KCNIP4: variants seen among roughly 807,000 people sequenced by gnomAD.
The protein encoded by KCNIP4 is potassium voltage-gated channel interacting protein 4.
In KCNIP4, 12 loss-of-function variants were observed where a neutral mutation model predicts 34.0. The ratio of observed to expected loss-of-function variants is 0.35; its 90% CI spans 0.23 to 0.57. KCNIP4 has a LOEUF of 0.57. Ranked by LOEUF, KCNIP4 falls within the 20% of genes least tolerant of loss-of-function variation. The probability of loss-of-function intolerance (pLI) is 0.83; values close to 1 mark genes in which losing one functional copy is unlikely to be tolerated. For missense variants in KCNIP4, 238 were observed against 311.7 expected, an observed-to-expected ratio of 0.76 and a Z score of 1.78; for synonymous variants, 124 against 102.2, an observed-to-expected ratio of 1.21 and a Z score of -1.29.
At chr4:21,440,697 G>T (rs1350706887) in intron 1 of KCNIP4, among the ~76,000 whole-genome samples, 1 of 152,118 alleles carries the variant, frequency 6.6e-6, no homozygotes, top group African/African-American at 2.4e-5. Context: ...TAATTAACTT[G>T]ATGGGATCAT....
intron 1 of KCNIP4, among the ~76,000 whole-genome samples, chr4:21,123,428 T>C (rs957478530): frequency 8.5e-5 from 13 of 152,186 alleles, no homozygotes; most frequent in African/African-American, 3.1e-4. Flanking sequence ...TTTAAAGACA[T>C]GGTGGAGCAT....
chr4:21,734,788 G>C (rs1715870670), intron 1 of KCNIP4, among the ~76,000 whole-genome samples: 1 of 152,022 alleles, frequency 6.6e-6, no homozygotes, highest in African/African-American at 2.4e-5. Flanking sequence ...TTTAACTCGA[G>C]ATATTTTCTA....
At chr4:21,657,229 T>C (rs1046332568) in intron 1 of KCNIP4, among the ~76,000 whole-genome samples, 3 of 152,230 alleles carry the variant, frequency 2.0e-5, no homozygotes, top group African/African-American at 7.2e-5. Flanking sequence ...AGTCTTTTTT[T>C]ACTTGCTTTT....
chr4:21,733,711 G>A (rs1186056127), intron 1 of KCNIP4, among the ~76,000 whole-genome samples: 2 of 152,196 alleles, frequency 1.3e-5, no homozygotes, highest in Non-Finnish European at 2.9e-5. Flanking sequence ...GCTACTGCAG[G>A]AAGAGTGGAG....
At chr4:21,180,724 G>C (rs137919725) in intron 1 of KCNIP4, among the ~76,000 whole-genome samples, 21 of 150,018 alleles carry the variant, frequency 1.4e-4, no homozygotes, top group African/African-American at 5.1e-4. Flanking sequence ...TATATATATA[G>C]TATAGTGTAT....
rs553214951 is a variant in KCNIP4 at position 21,410,524 on chromosome 4, G to A, written c.62-527815C>T. Among the ~76,000 whole-genome samples, 16 of 152,216 alleles carry A rather than the reference G, an allele frequency of 1.1e-4. No homozygotes were observed. The South Asian group carries it at 2.3e-3, about 22-fold the overall frequency. On this transcript the variant is annotated intron_variant, in intron 1 of 8. Transcript: ENST00000382152. ...TATGGAAAAACCCACATAGTAGAAC[G>A]GAGGCCGCCTGCTGGAAGCCAGTAC...
intron 1 of KCNIP4, chr4:21,303,717 A>G (rs928035882): frequency 2.1e-6 from 2 of 973,412 alleles, no homozygotes; most frequent in African/African-American, 1.6e-5. Flanking sequence ...CATTTCTCTG[A>G]TCTCATTTCA....
chr4:21,320,898 G>A (rs375878055), intron 1 of KCNIP4, among the ~76,000 whole-genome samples: 23 of 146,838 alleles, frequency 1.6e-4, no homozygotes, highest in African/African-American at 5.9e-4. Flanking sequence ...TTAAACCCGA[G>A]AGGTTGCAAC....
intron 1 of KCNIP4, among the ~76,000 whole-genome samples, chr4:20,966,477 A>C (rs891538176): frequency 3.9e-5 from 6 of 152,200 alleles, no homozygotes; most frequent in Non-Finnish European, 8.8e-5. Context: ...AAGAACACTT[A>C]GTACTAAAAG....
At chr4:21,081,873 G>A (rs890838570) in intron 1 of KCNIP4, among the ~76,000 whole-genome samples, 2 of 151,638 alleles carry the variant, frequency 1.3e-5, no homozygotes, top group Non-Finnish European at 2.9e-5. Context: ...AGATGTAGAC[G>A]ACAATCTTTC....
chr4:20,838,710 G>A (rs1037253785), intron 3 of KCNIP4, among the ~76,000 whole-genome samples: 4 of 152,146 alleles, frequency 2.6e-5, no homozygotes, highest in African/African-American at 9.7e-5. Context: ...ACAATGTGTT[G>A]GAAGGAACCT....
intron 1 of KCNIP4, among the ~76,000 whole-genome samples, chr4:21,379,691 A>G (rs1721301225): frequency 6.6e-6 from 1 of 152,180 alleles, no homozygotes; most frequent in Non-Finnish European, 1.5e-5. Flanking sequence ...GATGGCAAAT[A>G]ATTATTTAAA....
At chr4:21,666,784 TTCAAG>T (rs1748997302) in intron 1 of KCNIP4, among the ~76,000 whole-genome samples, 1 of 152,198 alleles carries the variant, frequency 6.6e-6, no homozygotes, top group Admixed American at 6.5e-5. Flanking sequence ...TACATGTCCC[TTCAAG>T]TCTTTTTAAA....
At chr4:21,737,138 T>C (rs1454994695) in intron 1 of KCNIP4, among the ~76,000 whole-genome samples, 1 of 152,176 alleles carries the variant, frequency 6.6e-6, no homozygotes, top group Non-Finnish European at 1.5e-5. Context: ...AAGTCAGAAA[T>C]AACGCCTAAG....
chr4:21,945,034 G>A (rs1022662696), intron 1 of KCNIP4, among the ~76,000 whole-genome samples: 1 of 151,966 alleles, frequency 6.6e-6, no homozygotes, highest in Non-Finnish European at 1.5e-5. Context: ...TAAGAAGAGA[G>A]GCTATTAAGT....
At chr4:20,880,185 G>A (rs1724516862) in intron 2 of KCNIP4, among the ~76,000 whole-genome samples, 1 of 152,156 alleles carries the variant, frequency 6.6e-6, no homozygotes, top group Non-Finnish European at 1.5e-5. Context: ...CTAGTTATTT[G>A]TAGTTACTTC....
chr4:21,353,433 C>T (rs1000663858), intron 1 of KCNIP4, among the ~76,000 whole-genome samples: 6 of 152,118 alleles, frequency 3.9e-5, no homozygotes, highest in Admixed American at 2.0e-4. Context: ...CTAGACTAAA[C>T]AGTGTAGAGA....
At chr4:21,334,480 G>A (rs1172878650) in intron 1 of KCNIP4, among the ~76,000 whole-genome samples, 2 of 151,978 alleles carry the variant, frequency 1.3e-5, no homozygotes, top group Non-Finnish European at 2.9e-5. Context: ...TTAGGAACAA[G>A]CTATTCCCTT....
At chr4:21,395,203 C>A (rs998185752) in intron 1 of KCNIP4, among the ~76,000 whole-genome samples, 1 of 152,040 alleles carries the variant, frequency 6.6e-6, no homozygotes, top group Non-Finnish European at 1.5e-5. Context: ...ATAAGGCTTC[C>A]ATAAATCCCT....
Sources: allele counts gnomAD v4.1 joint callset (sites outside exome capture counted in the v4.1 genomes callset), GRCh38; gene constraint gnomAD v4.1.1; transcripts MANE v1.5; gene names NCBI Gene and HGNC (gene_info 2026-07-23, HGNC 2026-07-21).